CALB2: variants seen among roughly 807,000 people sequenced by gnomAD.
The protein encoded by CALB2 is calbindin 2.
Under a neutral mutation model 45.9 loss-of-function variants are expected in CALB2, and 34 were observed. The ratio of observed to expected loss-of-function variants is 0.74; its 90% CI spans 0.56 to 0.99. The LOEUF (loss-of-function observed/expected upper bound fraction) is 0.99. Ranked by LOEUF, CALB2 falls within the 50% of genes least tolerant of loss-of-function variation. CALB2 has a pLI of 0.00. For synonymous variants in CALB2, 142 were observed against 129.6 expected, an observed-to-expected ratio of 1.10 and a Z score of -0.65; for missense variants, 344 against 339.3, an observed-to-expected ratio of 1.01 and a Z score of -0.11.
chr16:71,376,619 C>G (rs539066668), intron 3 of CALB2, among the ~76,000 whole-genome samples: 61 of 152,208 alleles, frequency 4.0e-4, no homozygotes, highest in Middle Eastern at 3.4e-3. Flanking sequence ...CCACATCCAT[C>G]CACATGCACC....
At chr16:71,363,765 T>C (rs1032898556) in intron 1 of CALB2, among the ~76,000 whole-genome samples, 21 of 152,336 alleles carry the variant, frequency 1.4e-4, no homozygotes, top group African/African-American at 4.8e-4. Context: ...TAAGTGTTTA[T>C]ATAAATGACA....
At chr16:71,379,306 TAAATAAATA>T (rs1423358080) in intron 4 of CALB2, among the ~76,000 whole-genome samples, 2 of 150,648 alleles carry the variant, frequency 1.3e-5, no homozygotes, top group Non-Finnish European at 3.0e-5. Context: ...AATAAATAAA[TAAATAAATA>T]AAATTAGCAT....
In CALB2 at chr16:71,384,429, G is replaced by A. The variant is rs1313703963; in HGVS notation, c.573+51G>A. ...CCCTTCCCTCATCCCTCTGAGCCTG[G>A]CCCTGCACCCTCCTTCCCCCAACGC... On this transcript the variant is annotated intron_variant, in intron 8 of 10. Coordinates refer to ENST00000302628, the MANE Select transcript of CALB2 (RefSeq NM_001740.5). 3.4e-6 allele frequency: 5 copies of A among 1,471,070 alleles called. No homozygotes were observed. The South Asian group carries it at 3.4e-5, about 10-fold the overall frequency. 91.1% of individuals were successfully genotyped at this position (1,471,070 alleles called of 1,614,324 possible). A position where few individuals can be genotyped will look rare whatever the true frequency, so the allele number is the denominator to read the frequency against.
intron 8 of CALB2, 132 bp downstream of exon 8, chr16:71,384,510 CACACACACA>C (rs1260866728): frequency 1.8e-4 from 131 of 737,672 alleles, no homozygotes; most frequent in Non-Finnish European, 2.5e-4. Context: ...CAAAACACAC[CACACACACA>C]ACACACACAG....
chr16:71,373,479 C>T (rs7187260), intron 2 of CALB2, among the ~76,000 whole-genome samples: 4,144 of 152,224 alleles, frequency 0.027, 194 homozygotes, highest in African/African-American at 0.094. Context: ...ATGGGCTAGT[C>T]GGAGAAATGT....
chr16:71,380,287 C>CT lies in CALB2; in HGVS notation c.343-2428dup, dbSNP rs1567541502. ...CTTTTCTTTCTTTCTTCTTTCCTTCCTTTTCTTTTTTTTTTTTTTTTTTTT... is the reference window on the plus strand; with the variant it reads ...CTTTTCTTTCTTTCTTCTTTCCTTCCTTTTTCTTTTTTTTTTTTTTTTTTTT... On this transcript the variant is annotated intron_variant, in intron 4 of 10. Coordinates refer to ENST00000302628, the MANE Select transcript of CALB2 (RefSeq NM_001740.5). Among the ~76,000 whole-genome samples the CT allele has an allele frequency of 8.3e-3, 718 of 86,916 alleles. 43 individuals carry two copies. Among genetic ancestry groups the CT allele is most frequent in the Non-Finnish European group, 0.011 (504 of 43,966 alleles). The allele number at this position is 86,916 out of a possible 152,430, so 57.0% of individuals were successfully genotyped here.
intron 10 of CALB2, among the ~76,000 whole-genome samples, chr16:71,386,501 G>C (rs2042572923): frequency 1.3e-5 from 2 of 152,232 alleles, no homozygotes; most frequent in African/African-American, 4.8e-5. Context: ...AAAAGGCAAA[G>C]AAGTGAACTC....
intron 1 of CALB2, among the ~76,000 whole-genome samples, chr16:71,370,657 G>C (rs1023906421): frequency 6.6e-6 from 1 of 152,140 alleles, no homozygotes; most frequent in South Asian, 2.1e-4. Context: ...GGATTTTGGG[G>C]CGGTAGTATG....
intron 4 of CALB2, among the ~76,000 whole-genome samples, chr16:71,379,669 C>T (rs2042463480): frequency 6.6e-6 from 1 of 152,192 alleles, no homozygotes. Context: ...CTCTGCCATT[C>T]ATTGGGGTTA....
At chr16:71,367,792 C>T (rs1020748329) in intron 1 of CALB2, among the ~76,000 whole-genome samples, 4 of 152,168 alleles carry the variant, frequency 2.6e-5, no homozygotes, top group African/African-American at 9.7e-5. Context: ...TTGAGGTGCC[C>T]AGAGGGAGGT....
chr16:71,373,499 A>G (rs2042376393), intron 2 of CALB2, among the ~76,000 whole-genome samples: 1 of 152,198 alleles, frequency 6.6e-6, no homozygotes, highest in Admixed American at 6.5e-5. Flanking sequence ...TGTTTTTATG[A>G]AGTGCTTTGC....
chr16:71,381,772 G>T (rs1324231503), intron 4 of CALB2, among the ~76,000 whole-genome samples: 2 of 152,008 alleles, frequency 1.3e-5, no homozygotes, highest in Non-Finnish European at 2.9e-5. Context: ...CCAGCACTAT[G>T]GGAGGCTGAG....
At chr16:71,383,647 A>G (rs780839148) in intron 6 of CALB2, among the ~76,000 whole-genome samples, 9 of 152,124 alleles carry the variant, frequency 5.9e-5, no homozygotes, top group African/African-American at 1.2e-4. Flanking sequence ...TCGTGGGCCA[A>G]TGTGATTGTC....
At chr16:71,383,177 C>A (rs1431063646) in intron 5 of CALB2, among the ~76,000 whole-genome samples, 190 bp from the exon 6 acceptor site, 1 of 152,144 alleles carries the variant, frequency 6.6e-6, no homozygotes, top group Non-Finnish European at 1.5e-5. Context: ...AGGGTTGCAC[C>A]ACCAGCTAGT....
chr16:71,387,096 T>A (rs756888890), intron 10 of CALB2, among the ~76,000 whole-genome samples: 2 of 152,206 alleles, frequency 1.3e-5, no homozygotes, highest in Non-Finnish European at 2.9e-5. Context: ...AGGCATAGTT[T>A]GTCTTCATGA....
At chr16:71,369,857 G>T (rs965520682) in intron 1 of CALB2, among the ~76,000 whole-genome samples, 2 of 152,160 alleles carry the variant, frequency 1.3e-5, no homozygotes, top group Non-Finnish European at 2.9e-5. Context: ...TCGCTGCAGG[G>T]AGTAACCAGG....
At chr16:71,359,072 T>C (rs1567532622) in intron 1 of CALB2, among the ~76,000 whole-genome samples, 186 bp downstream of exon 1, 1 of 152,156 alleles carries the variant, frequency 6.6e-6, no homozygotes, top group Non-Finnish European at 1.5e-5. Flanking sequence ...CAACTGTCAG[T>C]AACTTTCTTC....
At chr16:71,375,870 C>T (rs951117748) in intron 3 of CALB2, among the ~76,000 whole-genome samples, 3 of 152,178 alleles carry the variant, frequency 2.0e-5, no homozygotes, top group Non-Finnish European at 2.9e-5. Context: ...TCAGTGGATG[C>T]AGGCTGCCCC....
At chr16:71,384,157 A>G (rs951874899) in intron 7 of CALB2, 132 bp downstream of exon 7, 14 of 1,104,220 alleles carry the variant, frequency 1.3e-5, no homozygotes, top group Admixed American at 1.7e-5. Flanking sequence ...GCAAGATAGA[A>G]TTGTGACCGT....
Sources: gnomAD v4.1 joint callset for allele counts (sites outside exome capture counted in the v4.1 genomes callset) on GRCh38, gnomAD v4.1.1 for gene constraint, MANE v1.5 for transcripts, NCBI Gene and HGNC (gene_info 2026-07-23, HGNC 2026-07-21) for gene names.